Variants in MYO1E observed in about 807,000 individuals in gnomAD.
MYO1E encodes unconventional myosin-Ie.
MYO1E carries 68 observed loss-of-function variants against 151.1 expected under a neutral mutation model. The observed-to-expected ratio is 0.45, with a 90% confidence interval of 0.37 to 0.55. MYO1E has a LOEUF of 0.55. MYO1E is among the 20% of genes least tolerant of loss of function. MYO1E has a pLI of 0.00. For synonymous variants in MYO1E, 601 were observed against 501.7 expected, an observed-to-expected ratio of 1.20 and a Z score of -2.64; for missense variants, 1,363 against 1,389.3, an observed-to-expected ratio of 0.98 and a Z score of 0.30.
chr15:59,271,407 A>G (rs2080288391), intron 2 of MYO1E, among the ~76,000 whole-genome samples: 1 of 152,268 alleles, frequency 6.6e-6, no homozygotes, highest in Non-Finnish European at 1.5e-5. Flanking sequence ...TATTGGCATC[A>G]AAGTTAAACT....
chr15:59,180,560 T>C lies in MYO1E; in HGVS notation c.1905-2023A>G, dbSNP rs575741991. Among the ~76,000 whole-genome samples, 84 of 152,088 alleles carry C rather than the reference T, an allele frequency of 5.5e-4. 2 individuals carry two copies. Among genetic ancestry groups the C allele is most frequent in the African/African-American group, 1.8e-3 (75 of 41,458 alleles). On this transcript the variant is annotated intron_variant, in intron 18 of 27. Transcript: ENST00000288235. ...TGCGTTTCTCTTTTTTTTTTTTTAA[T>C]GGTAACGAACCTTGCAGAGACTTTC...
chr15:59,185,049 C>T lies in MYO1E; in HGVS notation c.1904+3069G>A, dbSNP rs182605189. Among the ~76,000 whole-genome samples the T allele has an allele frequency of 3.6e-3, 544 of 152,264 alleles. 8 individuals carry two copies. The highest frequency in any genetic ancestry group is 9.9e-3 in the African/African-American group (410 of 41,542). On this transcript the variant is annotated intron_variant, in intron 18 of 27. Transcript: ENST00000288235. ...CTCTGATGATCAATGATATTGAACA[C>T]GTTTTCATATGCCTGTCTGCCATCA...
intron 25 of MYO1E, among the ~76,000 whole-genome samples, chr15:59,155,015 C>T (rs1596344482): frequency 6.6e-6 from 1 of 152,286 alleles, no homozygotes; most frequent in South Asian, 2.1e-4. Context: ...ACCTCATTCC[C>T]TCAGTGAGTG....
intron 13 of MYO1E, 59 bp from the exon 14 acceptor site, chr15:59,208,907 TA>T (rs2079858883): frequency 1.7e-5 from 27 of 1,598,190 alleles, no homozygotes; most frequent in Admixed American, 3.3e-5. Context: ...AGACAATGCT[TA>T]TCAGGTCCTT....
At chr15:59,334,309 CTA>C (rs1202209004) in intron 1 of MYO1E, among the ~76,000 whole-genome samples, 3 of 151,934 alleles carry the variant, frequency 2.0e-5, no homozygotes, top group African/African-American at 7.3e-5. Flanking sequence ...GTAAAAATAA[CTA>C]AAAGTATAAT....
chr15:59,230,138 G>C (rs1287488340), intron 6 of MYO1E, among the ~76,000 whole-genome samples: 1 of 152,002 alleles, frequency 6.6e-6, no homozygotes, highest in African/African-American at 2.4e-5. Context: ...TTGCCCATTT[G>C]AGAGACAGAA....
chr15:59,349,722 T>C (rs2080813608), intron 1 of MYO1E, among the ~76,000 whole-genome samples: 1 of 152,212 alleles, frequency 6.6e-6, no homozygotes, highest in Admixed American at 6.5e-5. Context: ...AACTAGGAGA[T>C]ATGAAAGTTT....
chr15:59,329,737 A>C (rs2080687258), intron 1 of MYO1E, among the ~76,000 whole-genome samples: 1 of 152,210 alleles, frequency 6.6e-6, no homozygotes, highest in Non-Finnish European at 1.5e-5. Flanking sequence ...AAGGTCTTTA[A>C]AAGAGCAAAC....
chr15:59,214,854 A>G, intron 10 of MYO1E, 134 bp from the exon 11 acceptor site: 1 of 754,226 alleles, frequency 1.3e-6, no homozygotes, highest in South Asian at 1.4e-5. Flanking sequence ...AAGTGAAGGC[A>G]GGAGACTTGC....
intron 17 of MYO1E, among the ~76,000 whole-genome samples, chr15:59,189,504 T>TTTCC (rs111238174): frequency 1.3e-5 from 2 of 150,176 alleles, no homozygotes; most frequent in Admixed American, 1.3e-4. Context: ...TTTCTTTTTC[T>TTTCC]TTTCTTTCTT....
At chr15:59,333,481 G>A (rs527657977) in intron 1 of MYO1E, among the ~76,000 whole-genome samples, 53 of 152,262 alleles carry the variant, frequency 3.5e-4, no homozygotes, top group African/African-American at 1.2e-3. Flanking sequence ...GGGCTCAAGC[G>A]ATCCTCCTGT....
At chr15:59,305,946 A>G (rs1217564316) in intron 1 of MYO1E, among the ~76,000 whole-genome samples, 1 of 152,120 alleles carries the variant, frequency 6.6e-6, no homozygotes, top group East Asian at 1.9e-4. Flanking sequence ...GAGCAGGAAA[A>G]CCAGACAACT....
chr15:59,231,033 C>G lies in MYO1E; in HGVS notation c.510+669G>C, dbSNP rs116739507. Among the ~76,000 whole-genome samples the G allele has an allele frequency of 1.5e-3, 236 of 152,312 alleles. 8 individuals carry two copies. Among genetic ancestry groups the G allele is most frequent in the African/African-American group, 5.2e-3 (215 of 41,564 alleles). On this transcript the variant is annotated intron_variant, in intron 6 of 27. Transcript: ENST00000288235. The stretch of plus-strand genomic sequence containing the variant: ...CCTATTTACCCCCTCTGGAGACACC[C>G]AGACAGAAACATGACTAAATGAGCA...
intron 4 of MYO1E, among the ~76,000 whole-genome samples, chr15:59,245,934 G>C (rs900955345): frequency 1.3e-5 from 2 of 152,118 alleles, no homozygotes; most frequent in African/African-American, 4.8e-5. Context: ...CAGATTTGCA[G>C]AGATGTCTCT....
At chr15:59,277,563 A>ACAACAACAACAAC (rs1182145254) in intron 1 of MYO1E, among the ~76,000 whole-genome samples, 3 of 130,028 alleles carry the variant, frequency 2.3e-5, no homozygotes, top group Non-Finnish European at 4.9e-5. Flanking sequence ...AAAAAAAAAA[A>ACAACAACAACAAC]AAAAAAAAAA....
chr15:59,355,621 G>C lies in MYO1E; in HGVS notation c.3+16877C>G, dbSNP rs985413995. Among the ~76,000 whole-genome samples, 19 of 152,152 alleles carry C rather than the reference G, an allele frequency of 1.2e-4. 1 individual carries two copies. The highest frequency in any genetic ancestry group is 1.5e-5 in the Non-Finnish European group (1 of 68,008). On this transcript the variant is annotated intron_variant, in intron 1 of 27. Coordinates refer to ENST00000288235, the MANE Select transcript of MYO1E (RefSeq NM_004998.4). ...CATTTTAAACATCCAAATTCAACCTGTCCTTCAAAACCACATGCAATTTTA... is the reference window on the plus strand; with the variant it reads ...CATTTTAAACATCCAAATTCAACCTCTCCTTCAAAACCACATGCAATTTTA...
At chr15:59,237,700 C>A (rs896813533) in intron 4 of MYO1E, among the ~76,000 whole-genome samples, 13 of 152,196 alleles carry the variant, frequency 8.5e-5, no homozygotes, top group African/African-American at 2.7e-4. Flanking sequence ...TATGAATATC[C>A]AGCCCAAATT....
chr15:59,285,549 A>G (rs1300365680), intron 1 of MYO1E, among the ~76,000 whole-genome samples: 1 of 151,686 alleles, frequency 6.6e-6, no homozygotes, highest in Non-Finnish European at 1.5e-5. Context: ...GTGTGTTTTT[A>G]GTAGAGAACT....
chr15:59,144,010 T>C (rs1268360797), intron 26 of MYO1E, among the ~76,000 whole-genome samples: 1 of 152,150 alleles, frequency 6.6e-6, no homozygotes, highest in Middle Eastern at 3.2e-3. Flanking sequence ...CCCCCTGAGA[T>C]GGGGCCTCAA....
Sources: gnomAD v4.1 joint callset for allele counts (sites outside exome capture counted in the v4.1 genomes callset) on GRCh38, gnomAD v4.1.1 for gene constraint, MANE v1.5 for transcripts, NCBI Gene and HGNC (gene_info 2026-07-23, HGNC 2026-07-21) for gene names.